The following CNTNAP4 variants were observed in gnomAD, a reference collection of about 807,000 sequenced individuals.
CNTNAP4 encodes contactin associated protein family member 4, also known as contactin-associated protein-like 4.
In CNTNAP4, 98 loss-of-function variants were observed where a neutral mutation model predicts 148.4. That is an observed-to-expected ratio of 0.66 (90% confidence interval 0.56 to 0.78). The LOEUF is 0.78. CNTNAP4 is among the 30% of genes least tolerant of loss of function. The pLI, the probability that CNTNAP4 is intolerant of heterozygous loss-of-function variation, is 0.00. For synonymous variants in CNTNAP4, 730 were observed against 565.1 expected, an observed-to-expected ratio of 1.29 and a Z score of -4.14; for missense variants, 1,935 against 1,565.6, an observed-to-expected ratio of 1.24 and a Z score of -3.98.
intron 3 of CNTNAP4, among the ~76,000 whole-genome samples, chr16:76,419,884 G>T (rs756569313): frequency 1.3e-5 from 2 of 151,926 alleles, no homozygotes; most frequent in African/African-American, 2.4e-5. Context: ...AGCTCTCTTC[G>T]TATTCTTATA....
intron 3 of CNTNAP4, among the ~76,000 whole-genome samples, chr16:76,377,596 G>C (rs1312798788): frequency 2.6e-5 from 4 of 152,168 alleles, no homozygotes; most frequent in Non-Finnish European, 4.4e-5. Context: ...CAAGGCTTTT[G>C]AAGCAGAGAG....
chr16:76,499,479 C>G (rs145453760), intron 15 of CNTNAP4, among the ~76,000 whole-genome samples: 1,619 of 152,006 alleles, frequency 0.011, 25 homozygotes, highest in African/African-American at 0.037. Flanking sequence ...AGACTTCCTA[C>G]TAATTTATTA....
At chr16:76,454,577 C>A (rs2080649194) in intron 8 of CNTNAP4, among the ~76,000 whole-genome samples, 1 of 152,126 alleles carries the variant, frequency 6.6e-6, no homozygotes, top group African/African-American at 2.4e-5. Context: ...TAAAAACTCT[C>A]TCTACTCTTT....
intron 23 of CNTNAP4, among the ~76,000 whole-genome samples, chr16:76,556,989 C>T (rs552574945): frequency 8.5e-5 from 13 of 152,218 alleles, no homozygotes; most frequent in Non-Finnish European, 1.6e-4. Flanking sequence ...CCTCGCACTC[C>T]GTTACAGTTG....
chr16:76,544,598 G>A (rs998715684), intron 21 of CNTNAP4, among the ~76,000 whole-genome samples: 10 of 152,124 alleles, frequency 6.6e-5, no homozygotes, highest in African/African-American at 2.4e-4. Context: ...AAACAGCTGA[G>A]TTCAGATCCT....
Position 76,453,118 on chromosome 16 carries a change from A to G in CNTNAP4, c.1333+349A>G, listed in dbSNP as rs149014806. On this transcript the variant is annotated intron_variant, in intron 8 of 23. Transcript: ENST00000611870. ...CAACAAGTTAACTAAGTGTTCTTCA[A>G]TGGAAAACTAGACTCTTCCTAACAC... 2.7e-3 allele frequency among the ~76,000 whole-genome samples: 416 copies of G among 152,322 alleles called. 4 individuals are homozygous for G. The highest frequency in any genetic ancestry group is 9.1e-3 in the African/African-American group (379 of 41,576).
chr16:76,314,841 C>T (rs2144074484), intron 1 of CNTNAP4, among the ~76,000 whole-genome samples: 1 of 152,236 alleles, frequency 6.6e-6, no homozygotes, highest in African/African-American at 2.4e-5. Flanking sequence ...AAACTGTATA[C>T]ATGTGTGTTG....
rs116430770 is a variant in CNTNAP4, at chr16:76,390,240, C to T, written c.390+34729C>T. Among the ~76,000 whole-genome samples, 485 of 152,276 alleles carry T rather than the reference C, an allele frequency of 3.2e-3. 4 individuals carry two copies. The highest frequency in any genetic ancestry group is 0.011 in the African/African-American group (460 of 41,566). ...AAGATGTTTCTGAAAATGGCAAAAC[C>T]TTCAGGTATATGGTGAAGAGTGGGC... On this transcript the variant is annotated intron_variant, in intron 3 of 23. Transcript: ENST00000611870.
intron 1 of CNTNAP4, among the ~76,000 whole-genome samples, chr16:76,292,665 C>A (rs549570107): frequency 3.3e-4 from 51 of 152,240 alleles, no homozygotes; most frequent in African/African-American, 1.2e-3. Flanking sequence ...ATTTTGATTT[C>A]CTTCTGGCAT....
At chr16:76,292,072 G>A (rs2143838457) in intron 1 of CNTNAP4, among the ~76,000 whole-genome samples, 1 of 152,178 alleles carries the variant, frequency 6.6e-6, no homozygotes, top group East Asian at 1.9e-4. Flanking sequence ...TGATTTCTCA[G>A]TCTATCAGCA....
At chr16:76,470,372 G>A (rs1443712300) in intron 10 of CNTNAP4, among the ~76,000 whole-genome samples, 1 of 151,080 alleles carries the variant, frequency 6.6e-6, no homozygotes, top group African/African-American at 2.5e-5. Flanking sequence ...CAGACACGGT[G>A]ACTCACACCT....
intron 3 of CNTNAP4, among the ~76,000 whole-genome samples, chr16:76,425,935 G>C (rs377127183): frequency 6.6e-6 from 1 of 152,150 alleles, no homozygotes; most frequent in African/African-American, 2.4e-5. Flanking sequence ...GGAAGACATT[G>C]GGGGTGATGG....
intron 12 of CNTNAP4, among the ~76,000 whole-genome samples, chr16:76,485,588 A>C (rs1314336132): frequency 6.6e-6 from 1 of 152,142 alleles, no homozygotes; most frequent in Admixed American, 6.5e-5. Flanking sequence ...ACCCCTTCTC[A>C]TGGTCCCATT....
At chr16:76,484,310 G>A (rs77978794) in intron 12 of CNTNAP4, among the ~76,000 whole-genome samples, 5 of 137,342 alleles carry the variant, frequency 3.6e-5, no homozygotes, top group African/African-American at 1.4e-4. Flanking sequence ...GGAGTCACTG[G>A]AAGTATGCAG....
At position 76,540,762 on chromosome 16, in the gene CNTNAP4, C is replaced by G; in HGVS notation, c.3414C>G (p.Val1138=). Residue 1138 remains valine (V), a synonymous_variant, in exon 21 of 24, where the codon GTC becomes GTG. Coordinates refer to ENST00000611870, the MANE Select transcript of CNTNAP4 (RefSeq NM_033401.5). ...HLSSGTEFSA[V]KSLVLGRILE... is the part of the protein sequence containing the mutation. ...CATCAGGCACAGAATTCAGTGCAGT[C>G]AAATCTCTGGTATTGGGCAGGATTT... 1 of 1,575,070 alleles carries G rather than the reference C, an allele frequency of 6.3e-7. No homozygotes were observed. Among genetic ancestry groups the G allele is most frequent in the Non-Finnish European group, 8.6e-7 (1 of 1,158,380 alleles).
At chr16:76,307,588 C>G (rs1960630893) in intron 1 of CNTNAP4, among the ~76,000 whole-genome samples, 1 of 137,180 alleles carries the variant, frequency 7.3e-6, no homozygotes, top group South Asian at 2.4e-4. Context: ...TTTCACTATT[C>G]CTGATATCAA....
chr16:76,326,497 A>G (rs943346620), intron 2 of CNTNAP4, among the ~76,000 whole-genome samples: 1 of 152,216 alleles, frequency 6.6e-6, no homozygotes, highest in African/African-American at 2.4e-5. Context: ...ACACATGCAC[A>G]TGTATGTTTA....
chr16:76,497,040 A>G (rs902686937), intron 14 of CNTNAP4, among the ~76,000 whole-genome samples: 1 of 152,238 alleles, frequency 6.6e-6, no homozygotes, highest in African/African-American at 2.4e-5. Context: ...AACAAATTCT[A>G]ATAGAAATTC....
Position 76,348,021 on chromosome 16 carries a change from C to T in CNTNAP4, c.197-7297C>T, listed in dbSNP as rs142654509. ...GGGCACAGGAAGAAAGAGAGACTTA[C>T]TAGGTGACTGTTGCAAGAATCCAGG... On this transcript the variant is annotated intron_variant, in intron 2 of 23. Coordinates refer to ENST00000611870, the MANE Select transcript of CNTNAP4 (RefSeq NM_033401.5). 3.8e-3 allele frequency among the ~76,000 whole-genome samples: 580 copies of T among 152,146 alleles called. 3 individuals are homozygous for T. The highest frequency in any genetic ancestry group is 0.013 in the African/African-American group (549 of 41,506).
Sources: gnomAD v4.1 joint callset for allele counts (sites outside exome capture counted in the v4.1 genomes callset) on GRCh38, gnomAD v4.1.1 for gene constraint, MANE v1.5 for transcripts, NCBI Gene and HGNC (gene_info 2026-07-23, HGNC 2026-07-21) for gene names.